Variants in ARHGAP18 observed in about 807,000 individuals in gnomAD.
ARHGAP18 encodes the protein rho GTPase-activating protein 18.
In ARHGAP18, 67 loss-of-function variants were observed where a neutral mutation model predicts 86.2. That is an observed-to-expected ratio of 0.78 (90% CI 0.64 to 0.95). ARHGAP18 has a LOEUF of 0.95. Among genes scored for constraint, ARHGAP18 ranks in the 40% least tolerant of loss-of-function variants. The pLI is 0.00. For synonymous variants in ARHGAP18, 283 were observed against 280.4 expected, an observed-to-expected ratio of 1.01 and a Z score of -0.09; for missense variants, 691 against 780.4, an observed-to-expected ratio of 0.89 and a Z score of 1.37.
At chr6:129,643,518 A>T (rs777774011) in intron 1 of ARHGAP18, among the ~76,000 whole-genome samples, 11 of 152,068 alleles carry the variant, frequency 7.2e-5, no homozygotes, top group Admixed American at 5.2e-4. Flanking sequence ...AGTCAATTAA[A>T]CCTCTTCCCT....
chr6:129,702,056 T>A (rs532374815), intron 1 of ARHGAP18, among the ~76,000 whole-genome samples: 4 of 152,130 alleles, frequency 2.6e-5, no homozygotes, highest in Non-Finnish European at 5.9e-5. Flanking sequence ...TCATTTCCCA[T>A]AAGGAAACCT....
At chr6:129,655,333 A>AG (rs1773808538) in intron 1 of ARHGAP18, among the ~76,000 whole-genome samples, 1 of 136,564 alleles carries the variant, frequency 7.3e-6, no homozygotes, top group Non-Finnish European at 1.5e-5. Flanking sequence ...AAAAAAAAAA[A>AG]AAAAAAAAGA....
At chr6:129,625,631 A>G (rs1277658625) in intron 5 of ARHGAP18, among the ~76,000 whole-genome samples, 1 of 53,330 alleles carries the variant, frequency 1.9e-5, no homozygotes, top group Non-Finnish European at 3.2e-5. Flanking sequence ...TATATTATAT[A>G]TATTTATATT....
At chr6:129,581,987 A>C (rs1273970573) in intron 13 of ARHGAP18, among the ~76,000 whole-genome samples, 1 of 152,138 alleles carries the variant, frequency 6.6e-6, no homozygotes, top group East Asian at 1.9e-4. Context: ...ATACTTAAAG[A>C]GATGATAAAA....
chr6:129,610,741 C>A (rs560088001), intron 8 of ARHGAP18, among the ~76,000 whole-genome samples: 1 of 152,244 alleles, frequency 6.6e-6, no homozygotes, highest in Non-Finnish European at 1.5e-5. Context: ...GATTCTCCTG[C>A]CTCAGCCTCC....
At chr6:129,604,740 G>A (rs1788818332) in intron 10 of ARHGAP18, among the ~76,000 whole-genome samples, 1 of 152,032 alleles carries the variant, frequency 6.6e-6, no homozygotes, top group Non-Finnish European at 1.5e-5. Context: ...CTGTCTTCTG[G>A]GTTATTCATT....
intron 10 of ARHGAP18, among the ~76,000 whole-genome samples, chr6:129,604,760 G>C (rs1276335236): frequency 6.6e-6 from 1 of 152,216 alleles, no homozygotes; most frequent in Admixed American, 6.5e-5. Flanking sequence ...TTGACAACCA[G>C]TGAAGCAAAA....
intron 1 of ARHGAP18, among the ~76,000 whole-genome samples, chr6:129,688,472 G>A (rs1298721403): frequency 2.0e-5 from 3 of 152,122 alleles, no homozygotes; most frequent in Non-Finnish European, 4.4e-5. Flanking sequence ...AAACTCCAAG[G>A]AGTTACCACA....
intron 1 of ARHGAP18, among the ~76,000 whole-genome samples, chr6:129,690,259 C>T (rs1382293903): frequency 6.6e-6 from 1 of 152,036 alleles, no homozygotes; most frequent in African/African-American, 2.4e-5. Flanking sequence ...TGTAACCGTT[C>T]ACAAAAATGA....
intron 5 of ARHGAP18, among the ~76,000 whole-genome samples, chr6:129,620,392 A>T (rs946786771): frequency 6.6e-6 from 1 of 152,200 alleles, no homozygotes; most frequent in Non-Finnish European, 1.5e-5. Context: ...TATTACTTTC[A>T]CTGCTGAATA....
At chr6:129,661,155 G>A (rs770568156) in intron 1 of ARHGAP18, among the ~76,000 whole-genome samples, 12 of 151,592 alleles carry the variant, frequency 7.9e-5, no homozygotes, top group South Asian at 2.1e-4. Flanking sequence ...ACAAAAATTT[G>A]ATACGAGTGG....
intron 4 of ARHGAP18, among the ~76,000 whole-genome samples, chr6:129,631,540 C>T (rs1380316358): frequency 2.6e-5 from 4 of 152,026 alleles, no homozygotes. Flanking sequence ...TTTTAATTAC[C>T]TACTCTCAAT....
intron 8 of ARHGAP18, among the ~76,000 whole-genome samples, 175 bp from the exon 9 acceptor site, chr6:129,608,227 C>T (rs1296166487): frequency 5.3e-5 from 8 of 151,928 alleles, no homozygotes; most frequent in Admixed American, 5.2e-4. Flanking sequence ...TACTCCTCTC[C>T]TCTAATCCAA....
intron 3 of ARHGAP18, among the ~76,000 whole-genome samples, chr6:129,637,450 C>T (rs868745878): frequency 6.6e-6 from 1 of 152,182 alleles, no homozygotes. Context: ...ATCACCTAGA[C>T]AAATATTTAC....
At chr6:129,686,967 C>CTT (rs755926635) in intron 1 of ARHGAP18, among the ~76,000 whole-genome samples, 1 of 72,486 alleles carries the variant, frequency 1.4e-5, no homozygotes. Flanking sequence ...ATTTTTTTTT[C>CTT]TTTTTTTTTT....
rs1491224607 is a variant in ARHGAP18, at chr6:129,625,412, T to TTATAC, written c.786+3940_786+3941insGTATA. Among the ~76,000 whole-genome samples, 28 of 38,986 alleles carry TTATAC rather than the reference T, an allele frequency of 7.2e-4. 3 individuals are homozygous for TTATAC. Among genetic ancestry groups the TTATAC allele is most frequent in the African/African-American group, 4.0e-3 (27 of 6,752 alleles). The allele number at this position is 38,986 out of a possible 152,430, so 25.6% of individuals were successfully genotyped here. ...ATATTTATACATATGTATTATATAT[T>TTATAC]ATATATAATATATATTATATATAAT... On this transcript the variant is annotated intron_variant, in intron 5 of 14. Transcript: ENST00000368149.
chr6:129,583,322 G>A (rs1238719885), intron 13 of ARHGAP18, among the ~76,000 whole-genome samples: 4 of 152,136 alleles, frequency 2.6e-5, no homozygotes, highest in African/African-American at 9.7e-5. Context: ...TACTTGTTAG[G>A]ATCTCTAAAA....
rs1254941435 is a variant in ARHGAP18, at chr6:129,577,825, T to C, written c.*688A>G. ...TTATTCTTAGTATATAAGTATTTAA[T>C]GGTTCAGTAATAACTGGCAGCTTCT... On this transcript the variant is annotated 3_prime_UTR_variant, in exon 15 of 15. Transcript: ENST00000368149. 6.6e-6 allele frequency: 1 copy of C among 152,222 alleles called. No individual in the cohort carries two copies. Among genetic ancestry groups the C allele is most frequent in the Admixed American group, 6.5e-5 (1 of 15,280 alleles). The allele number at this position is 152,222 out of a possible 1,614,324, so 9.4% of individuals were successfully genotyped here.
chr6:129,581,045 G>A (rs1788276274), intron 13 of ARHGAP18, among the ~76,000 whole-genome samples: 2 of 152,152 alleles, frequency 1.3e-5, no homozygotes, highest in African/African-American at 4.8e-5. Flanking sequence ...GATTTAACTG[G>A]TCTAGGATAA....
Sources: allele counts gnomAD v4.1 joint callset (sites outside exome capture counted in the v4.1 genomes callset), GRCh38; gene constraint gnomAD v4.1.1; transcripts MANE v1.5; gene names NCBI Gene and HGNC (gene_info 2026-07-23, HGNC 2026-07-21).